The following KIF13B variants were observed in gnomAD, a reference collection of about 807,000 sequenced individuals.
KIF13B encodes kinesin family member 13B.
In KIF13B, 127 loss-of-function variants were observed where a neutral mutation model predicts 222.0. The observed-to-expected ratio is 0.57, with a 90% confidence interval of 0.50 to 0.66. The LOEUF is 0.66. Among genes scored for constraint, KIF13B ranks in the 30% least tolerant of loss-of-function variants. KIF13B has a pLI of 0.00. For synonymous variants in KIF13B, 976 were observed against 919.0 expected (o/e 1.06, Z -1.12); for missense variants, 2,173 against 2,379.0 (o/e 0.91, Z 1.80).
At chr8:29,221,652 A>G (rs995166468) in intron 2 of KIF13B, among the ~76,000 whole-genome samples, 1 of 152,112 alleles carries the variant, frequency 6.6e-6, no homozygotes, top group Non-Finnish European at 1.5e-5. Flanking sequence ...TGTATCACCT[A>G]GAGTAATTGA....
intron 1 of KIF13B, among the ~76,000 whole-genome samples, chr8:29,247,464 T>C (rs998671756): frequency 3.9e-5 from 6 of 152,186 alleles, no homozygotes; most frequent in African/African-American, 1.2e-4. Flanking sequence ...AATGAAAAAG[T>C]ATTTGCAAAT....
At chr8:29,077,365 C>T (rs529720553) in intron 37 of KIF13B, among the ~76,000 whole-genome samples, 5 of 152,362 alleles carry the variant, frequency 3.3e-5, no homozygotes, top group African/African-American at 7.2e-5. Flanking sequence ...ACGCAGTCCT[C>T]GCATGCCAGG....
chr8:29,105,560 G>A (rs983722896), intron 35 of KIF13B, among the ~76,000 whole-genome samples: 5 of 151,728 alleles, frequency 3.3e-5, no homozygotes, highest in East Asian at 1.9e-4. Context: ...TCTGGTGCAC[G>A]TGAGGGACAG....
chr8:29,116,298 T>C (rs887217779), intron 31 of KIF13B, among the ~76,000 whole-genome samples: 1 of 152,240 alleles, frequency 6.6e-6, no homozygotes, highest in Non-Finnish European at 1.5e-5. Context: ...CGAGACCCCG[T>C]CTCCATAAGG....
rs921440927 is a variant in KIF13B, at chr8:29,150,344, C to T, written c.1575G>A (p.Gln525=). 1 of 1,594,688 alleles carries T rather than the reference C, an allele frequency of 6.3e-7. No homozygotes were observed. Among genetic ancestry groups the T allele is most frequent in the Non-Finnish European group, 8.6e-7 (1 of 1,164,998 alleles). Residue 525 remains glutamine, a synonymous_variant, in exon 15 of 40, where the codon CAG becomes CAA. Transcript: ENST00000524189. The part of the protein sequence containing the change: ...VNGSSVSSPI[Q]LHHGDRILWG... ...ATAATATCCTGTCCCCATGGTGTAG[C>T]TGTATTGGACTGGAGACAGATGACC...
Position 29,230,345 on chromosome 8 carries a change from G to A in KIF13B, c.149+15001C>T, listed in dbSNP as rs556150603. ...GTTCTGCAGCTTTGCTACTGCTTAC[G>A]GGGTTGATCAATTTAAAAATTAACC... is the stretch of plus-strand genomic sequence containing the variant. On this transcript the variant is annotated intron_variant, in intron 2 of 39. Transcript: ENST00000524189. Among the ~76,000 whole-genome samples, 11 of 152,212 alleles carry A rather than the reference G, an allele frequency of 7.2e-5. No homozygotes were observed. In the East Asian group the frequency reaches 1.4e-3, roughly 19 times the overall value.
chr8:29,238,827 C>G (rs776582361), intron 2 of KIF13B, among the ~76,000 whole-genome samples: 6 of 152,154 alleles, frequency 3.9e-5, no homozygotes, highest in Non-Finnish European at 8.8e-5. Context: ...CTTTCAACCT[C>G]CAAACGTTCT....
intron 1 of KIF13B, among the ~76,000 whole-genome samples, chr8:29,260,778 G>A (rs576278152): frequency 3.9e-5 from 6 of 152,106 alleles, no homozygotes; most frequent in South Asian, 2.1e-4. Context: ...CACCACGCCC[G>A]GCTAATTTTT....
chr8:29,229,088 T>TAAAAAAAAAAAAAAAAAAAAAAA (rs370080449), intron 2 of KIF13B, among the ~76,000 whole-genome samples: 1 of 94,690 alleles, frequency 1.1e-5, no homozygotes, highest in East Asian at 3.1e-4. Context: ...ATGTCAGCTT[T>TAAAAAAAAAAAAAAAAAAAAAAA]AAAAAAAAAA....
At chr8:29,090,701 G>A (rs1042623809) in intron 37 of KIF13B, among the ~76,000 whole-genome samples, 9 of 152,214 alleles carry the variant, frequency 5.9e-5, no homozygotes, top group African/African-American at 9.6e-5. Context: ...TATACTTTAT[G>A]TATTTTTATT....
At chr8:29,243,085 G>A (rs1027942139) in intron 2 of KIF13B, among the ~76,000 whole-genome samples, 17 of 152,064 alleles carry the variant, frequency 1.1e-4, no homozygotes, top group Admixed American at 7.9e-4. Flanking sequence ...GGTGGCTCAC[G>A]CCTGTAATCT....
intron 23 of KIF13B, 48 bp from the exon 24 acceptor site, chr8:29,130,713 T>C (rs1810306390): frequency 6.3e-7 from 1 of 1,588,144 alleles, no homozygotes. Context: ...TCTATTTCAT[T>C]ACAGGCAGCT....
chr8:29,104,830 G>A (rs960835963), intron 35 of KIF13B, among the ~76,000 whole-genome samples: 4 of 151,524 alleles, frequency 2.6e-5, no homozygotes, highest in Admixed American at 6.6e-5. Context: ...TGCAGGCTCC[G>A]CCCCCCGTGG....
chr8:29,210,924 C>T (rs1814192890), intron 2 of KIF13B, among the ~76,000 whole-genome samples: 1 of 152,218 alleles, frequency 6.6e-6, no homozygotes, highest in African/African-American at 2.4e-5. Flanking sequence ...ATGAGACCAC[C>T]TGGCCAGGGC....
chr8:29,233,147 C>T, intron 2 of KIF13B, among the ~76,000 whole-genome samples: 1 of 152,118 alleles, frequency 6.6e-6, no homozygotes, highest in Non-Finnish European at 1.5e-5. Context: ...CAGAGTGAGA[C>T]TCCATCTGAA....
At chr8:29,108,296 G>T in intron 34 of KIF13B, 104 bp from the exon 35 acceptor site, 1 of 1,045,792 alleles carries the variant, frequency 9.6e-7, no homozygotes, top group Non-Finnish European at 1.4e-6. Flanking sequence ...CGTCAAAGTT[G>T]GGTGGCAGCA....
At chr8:29,217,228 A>C (rs1368369682) in intron 2 of KIF13B, among the ~76,000 whole-genome samples, 1 of 152,168 alleles carries the variant, frequency 6.6e-6, no homozygotes, top group Non-Finnish European at 1.5e-5. Flanking sequence ...TAAGTGTGTC[A>C]CTCAAGGGTG....
At chr8:29,125,364 G>A (rs1810062288) in intron 26 of KIF13B, among the ~76,000 whole-genome samples, 1 of 152,122 alleles carries the variant, frequency 6.6e-6, no homozygotes, top group Non-Finnish European at 1.5e-5. Context: ...GTGTGTCTGG[G>A]CTTTACTAGG....
At position 29,167,353 on chromosome 8, in the gene KIF13B, C is replaced by G; in HGVS notation, c.1158+20G>C. 3.1e-6 allele frequency: 5 copies of G among 1,594,318 alleles called. No homozygotes were observed. Among genetic ancestry groups the G allele is most frequent in the Non-Finnish European group, 4.3e-6 (5 of 1,164,808 alleles). On this transcript the variant is annotated intron_variant, in intron 11 of 39. Transcript: ENST00000524189. ...TTCCTCTTCCTGGACTCACAGGGCG[C>G]ACGCGGTGGTGCCTCCTACCTCTGC...
Sources: gnomAD v4.1 joint callset for allele counts (sites outside exome capture counted in the v4.1 genomes callset) on GRCh38, gnomAD v4.1.1 for gene constraint, MANE v1.5 for transcripts, NCBI Gene and HGNC (gene_info 2026-07-23, HGNC 2026-07-21) for gene names.